PRKX: variants seen among roughly 807,000 people sequenced by gnomAD.
PRKX encodes the protein protein kinase cAMP-dependent X-linked catalytic subunit.
PRKX carries 12 observed loss-of-function variants against 22.0 expected under a neutral mutation model. That is an observed-to-expected ratio of 0.54 (90% CI 0.35 to 0.88). PRKX has a LOEUF of 0.88. Among genes scored for constraint, PRKX ranks in the 40% least tolerant of loss-of-function variants. The pLI, the probability that PRKX is intolerant of heterozygous loss-of-function variation, is 0.01. For missense variants in PRKX, 217 were observed against 308.0 expected (o/e 0.70, Z 2.21); for synonymous variants, 134 against 137.7 (o/e 0.97, Z 0.19).
At chrX:3,640,457 G>C in intron 4 of PRKX, among the ~76,000 whole-genome samples, 1 of 112,231 alleles carries the variant, frequency 8.9e-6, no homozygotes, top group East Asian at 2.8e-4. Flanking sequence ...CACGTCCTGG[G>C]TTTCCAAGTG....
chrX:3,667,831 T>G (rs1188757511), intron 2 of PRKX: 1 of 110,946 alleles, frequency 9.0e-6, no homozygotes, highest in African/African-American at 3.3e-5. Context: ...TCCTGCCCCG[T>G]AGTGACCCAT....
intron 6 of PRKX, among the ~76,000 whole-genome samples, chrX:3,618,118 C>T (rs1926475742): frequency 9.3e-6 from 1 of 107,104 alleles, no homozygotes; most frequent in Admixed American, 1.0e-4. Flanking sequence ...CAAATACAGT[C>T]TGACCTCACT....
chrX:3,689,786 G>T (rs765964830), intron 1 of PRKX, among the ~76,000 whole-genome samples: 2 of 111,643 alleles, frequency 1.8e-5, no homozygotes, highest in African/African-American at 6.5e-5. Flanking sequence ...GACCATCCTG[G>T]CTAACACGGT....
intron 4 of PRKX, among the ~76,000 whole-genome samples, chrX:3,638,691 G>C (rs1352623566): frequency 1.8e-5 from 2 of 111,376 alleles, no homozygotes; most frequent in African/African-American, 6.5e-5. Context: ...ATTATTGATA[G>C]CTAGATAGAC....
chrX:3,711,738 G>A (rs1432904768), intron 1 of PRKX, among the ~76,000 whole-genome samples: 1 of 110,987 alleles, frequency 9.0e-6, no homozygotes, highest in Non-Finnish European at 1.9e-5. Flanking sequence ...AAGACAAGGG[G>A]GAAGGCAGAG....
chrX:3,660,164 C>T (rs778080677), intron 2 of PRKX, among the ~76,000 whole-genome samples: 3 of 112,004 alleles, frequency 2.7e-5, no homozygotes, highest in South Asian at 7.4e-4. Context: ...CATGATTTCA[C>T]TGTTCTGGTG....
chrX:3,650,539 A>AAG (rs1569050105), intron 3 of PRKX, among the ~76,000 whole-genome samples: 13 of 101,122 alleles, frequency 1.3e-4, no homozygotes, highest in African/African-American at 2.2e-4. Flanking sequence ...AAAAAAAAAA[A>AAG]AGAGAGAAAA....
intron 7 of PRKX, among the ~76,000 whole-genome samples, chrX:3,615,436 T>C (rs1374221397): frequency 8.9e-6 from 1 of 111,893 alleles, no homozygotes; most frequent in African/African-American, 3.2e-5. Flanking sequence ...TGCTTATCTC[T>C]GTAATCCTGT....
chrX:3,685,602 C>T (rs1003573531), intron 1 of PRKX, among the ~76,000 whole-genome samples: 10 of 111,376 alleles, frequency 9.0e-5, no homozygotes, highest in African/African-American at 3.3e-4. Context: ...TCCCAAATGT[C>T]CCATGTGGCA....
intron 6 of PRKX, among the ~76,000 whole-genome samples, chrX:3,620,749 G>C (rs1037337612): frequency 4.7e-4 from 53 of 112,183 alleles, no homozygotes; most frequent in Admixed American, 1.9e-4. Context: ...TAGGGCAAGA[G>C]AGGATGAAAG....
chrX:3,644,087 C>T (rs929909446), intron 3 of PRKX, among the ~76,000 whole-genome samples: 17 of 109,780 alleles, frequency 1.5e-4, no homozygotes, highest in African/African-American at 5.7e-4. Flanking sequence ...CAAATTCTGT[C>T]GGCCATCCAT....
chrX:3,702,753 G>A (rs1488085661), intron 1 of PRKX, among the ~76,000 whole-genome samples: 1 of 100,106 alleles, frequency 1.0e-5, no homozygotes, highest in African/African-American at 3.7e-5. Flanking sequence ...GAGTGCAGTA[G>A]CACAATCGCA....
intron 1 of PRKX, among the ~76,000 whole-genome samples, chrX:3,676,890 C>G (rs1319653256): frequency 8.9e-6 from 1 of 112,022 alleles, no homozygotes; most frequent in Non-Finnish European, 1.9e-5. Flanking sequence ...CTCTTCTTGC[C>G]TGCTGTCATG....
chrX:3,637,791 A>G (rs1485721402), intron 4 of PRKX, among the ~76,000 whole-genome samples: 1 of 101,878 alleles, frequency 9.8e-6, no homozygotes, highest in African/African-American at 3.7e-5. Flanking sequence ...TTTGAGATGG[A>G]GTCTCACCTC....
intron 1 of PRKX, among the ~76,000 whole-genome samples, chrX:3,685,094 C>T (rs6641845): frequency 7.2e-5 from 8 of 110,968 alleles, no homozygotes; most frequent in Middle Eastern, 4.6e-3. Flanking sequence ...TGGGATTACA[C>T]GCATGAGCCA....
intron 4 of PRKX, among the ~76,000 whole-genome samples, chrX:3,638,802 A>G (rs1926953241): frequency 9.1e-6 from 1 of 109,302 alleles, no homozygotes; most frequent in African/African-American, 3.3e-5. Context: ...GATGATTGAT[A>G]GATGGATAGG....
chrX:3,698,899 A>G (rs1197406297), intron 1 of PRKX, among the ~76,000 whole-genome samples: 1 of 104,056 alleles, frequency 9.6e-6, no homozygotes, highest in African/African-American at 3.6e-5. Context: ...CCAGGTTTTC[A>G]CTTTTAGAGA....
intron 3 of PRKX, among the ~76,000 whole-genome samples, chrX:3,654,329 GTAT>G (rs959396865): frequency 3.1e-5 from 3 of 98,324 alleles, no homozygotes; most frequent in African/African-American, 7.4e-5. Context: ...CAATAATATA[GTAT>G]TATATATATT....
intron 1 of PRKX, among the ~76,000 whole-genome samples, chrX:3,700,459 C>T (rs7883164): frequency 0.027 from 3,001 of 112,334 alleles, 92 homozygotes; most frequent in African/African-American, 0.093. Context: ...CATAAAATCA[C>T]GTCCAACAAC....
Sources: gnomAD v4.1 joint callset for allele counts (sites outside exome capture counted in the v4.1 genomes callset) on GRCh38, gnomAD v4.1.1 for gene constraint, MANE v1.5 for transcripts, NCBI Gene and HGNC (gene_info 2026-07-23, HGNC 2026-07-21) for gene names.